The following TBC1D22A variants were observed in gnomAD, a reference collection of about 807,000 sequenced individuals.
The protein encoded by TBC1D22A is TBC1 domain family member 22A.
TBC1D22A carries 38 observed loss-of-function variants against 60.2 expected under a neutral mutation model. The observed-to-expected ratio is 0.63, with a 90% CI of 0.49 to 0.83. TBC1D22A has a LOEUF of 0.83. TBC1D22A is among the 40% of genes least tolerant of loss of function. TBC1D22A has a pLI of 0.00. For synonymous variants in TBC1D22A, 302 were observed against 281.7 expected, an observed-to-expected ratio of 1.07 and a Z score of -0.72; for missense variants, 628 against 701.0, an observed-to-expected ratio of 0.90 and a Z score of 1.18.
chr22:47,004,814 A>T (rs1188897344), intron 10 of TBC1D22A, among the ~76,000 whole-genome samples: 1 of 151,484 alleles, frequency 6.6e-6, no homozygotes, highest in African/African-American at 2.4e-5. Context: ...ATGCCTGTAC[A>T]CACACCTGCC....
chr22:46,894,354 C>G (rs1320356428), intron 6 of TBC1D22A, among the ~76,000 whole-genome samples: 1 of 152,244 alleles, frequency 6.6e-6, no homozygotes, highest in African/African-American at 2.4e-5. Context: ...TCCCCCAGGA[C>G]TTCATAAAGT....
intron 11 of TBC1D22A, among the ~76,000 whole-genome samples, chr22:47,077,347 T>C (rs958041976): frequency 1.3e-5 from 2 of 152,174 alleles, no homozygotes; most frequent in East Asian, 1.9e-4. Context: ...AGTATGTGAG[T>C]TCTGGCTTGG....
chr22:46,828,921 C>A (rs561198503), intron 4 of TBC1D22A, among the ~76,000 whole-genome samples: 11 of 152,256 alleles, frequency 7.2e-5, no homozygotes, highest in African/African-American at 2.6e-4. Flanking sequence ...ATACTTGAAA[C>A]GACCTACATG....
intron 7 of TBC1D22A, among the ~76,000 whole-genome samples, chr22:46,909,843 G>C (rs130983): frequency 0.97 from 147,293 of 152,300 alleles, 71,250 homozygotes; most frequent in East Asian, 1. Context: ...CCCTGGGCTT[G>C]CTTCACGCCC....
intron 12 of TBC1D22A, among the ~76,000 whole-genome samples, chr22:47,160,629 G>A (rs978152478): frequency 5.3e-5 from 8 of 152,198 alleles, no homozygotes; most frequent in African/African-American, 1.7e-4. Context: ...AGGGGTCTTC[G>A]CTGGAGCCGT....
chr22:47,031,070 C>A (rs1327285416), intron 10 of TBC1D22A, among the ~76,000 whole-genome samples: 2 of 152,228 alleles, frequency 1.3e-5, no homozygotes, highest in Non-Finnish European at 2.9e-5. Context: ...CCAGCTTAGC[C>A]AGGCTGTGTT....
intron 11 of TBC1D22A, among the ~76,000 whole-genome samples, chr22:47,101,905 C>T: frequency 6.6e-6 from 1 of 152,178 alleles, no homozygotes; most frequent in East Asian, 1.9e-4. Context: ...CCAGAATTTA[C>T]CTGGTGCAGG....
chr22:47,122,760 G>T (rs57546617), intron 12 of TBC1D22A, among the ~76,000 whole-genome samples: 3,050 of 152,352 alleles, frequency 0.02, 107 homozygotes, highest in African/African-American at 0.07. Context: ...CTGCGCAGAA[G>T]CAGCGGCGAG....
At position 47,098,664 on chromosome 22, in the gene TBC1D22A, C is replaced by T. The variant is rs186867800; in HGVS notation, c.1330-12844C>T. On this transcript the variant is annotated intron_variant, in intron 11 of 12. Coordinates refer to ENST00000337137, the MANE Select transcript of TBC1D22A (RefSeq NM_014346.5). ...GGAAGGGCCAGGTGAGGCATCCCCC[C>T]GACTCCATGTGTTAGGCTGCCCTGG... 2.5e-3 allele frequency among the ~76,000 whole-genome samples: 378 copies of T among 152,332 alleles called. 2 individuals are homozygous for T. The highest frequency in any genetic ancestry group is 8.1e-3 in the African/African-American group (335 of 41,574).
Position 47,173,705 on chromosome 22 carries a change from G to A in TBC1D22A, c.*79G>A. Reference sequence around the variant, plus strand: ...CCTGGCTGGTGGTAGGCCCCTGTGAGCTGGTCCCGGGCTGCTAAAAGGCCT... The same window carrying A: ...CCTGGCTGGTGGTAGGCCCCTGTGAACTGGTCCCGGGCTGCTAAAAGGCCT... On this transcript the variant is annotated 3_prime_UTR_variant, in exon 13 of 13. Coordinates refer to ENST00000337137, the MANE Select transcript of TBC1D22A (RefSeq NM_014346.5). 6.3e-7 allele frequency: 1 copy of A among 1,596,558 alleles called. No individual in the cohort carries two copies. Among genetic ancestry groups the A allele is most frequent in the Non-Finnish European group, 8.5e-7 (1 of 1,170,772 alleles).
chr22:46,798,147 G>C (rs2084739701), intron 4 of TBC1D22A, among the ~76,000 whole-genome samples: 1 of 152,250 alleles, frequency 6.6e-6, no homozygotes, highest in Admixed American at 6.5e-5. Flanking sequence ...AAAGCACTGG[G>C]CTTAAGGCGT....
At chr22:47,015,601 T>C (rs2061884861) in intron 10 of TBC1D22A, among the ~76,000 whole-genome samples, 1 of 152,198 alleles carries the variant, frequency 6.6e-6, no homozygotes, top group Non-Finnish European at 1.5e-5. Context: ...CACACACATA[T>C]AATTGTTCTG....
At chr22:47,127,115 C>T (rs977916007) in intron 12 of TBC1D22A, among the ~76,000 whole-genome samples, 1 of 152,120 alleles carries the variant, frequency 6.6e-6, no homozygotes, top group South Asian at 2.1e-4. Context: ...CTGGAAAACA[C>T]TCTTTCTCTC....
At chr22:46,846,389 G>A (rs2086994784) in intron 4 of TBC1D22A, among the ~76,000 whole-genome samples, 1 of 152,168 alleles carries the variant, frequency 6.6e-6, no homozygotes, top group Non-Finnish European at 1.5e-5. Flanking sequence ...TACCCTGCAA[G>A]CAGTGTTGAG....
At chr22:47,003,773 TACACACACACCCTAC>T (rs1203944398) in intron 10 of TBC1D22A, among the ~76,000 whole-genome samples, 1 of 108,872 alleles carries the variant, frequency 9.2e-6, no homozygotes, top group Admixed American at 1.0e-4. Context: ...CACATGCCTA[TACACACACACCCTAC>T]ACACACATGC....
intron 10 of TBC1D22A, among the ~76,000 whole-genome samples, chr22:47,034,715 G>A (rs538458814): frequency 2.0e-5 from 3 of 152,318 alleles, no homozygotes; most frequent in African/African-American, 4.8e-5. Flanking sequence ...CCTATGTGCC[G>A]GGGACTTTGG....
intron 4 of TBC1D22A, among the ~76,000 whole-genome samples, chr22:46,832,460 C>G (rs2086353491): frequency 6.6e-6 from 1 of 152,122 alleles, no homozygotes; most frequent in African/African-American, 2.4e-5. Context: ...ACAAGCCTGG[C>G]CAACATGGTG....
At chr22:47,079,897 C>T (rs114492488) in intron 11 of TBC1D22A, among the ~76,000 whole-genome samples, 1,772 of 152,234 alleles carry the variant, frequency 0.012, 31 homozygotes, top group African/African-American at 0.041. Context: ...AAGCACTTTA[C>T]GTGTAATAAC....
chr22:47,078,574 C>T (rs184292974), intron 11 of TBC1D22A, among the ~76,000 whole-genome samples: 12 of 152,110 alleles, frequency 7.9e-5, no homozygotes, highest in South Asian at 4.2e-4. Context: ...AGTTGTGGCA[C>T]GCAGTGCCGT....
Sources: allele counts gnomAD v4.1 joint callset (sites outside exome capture counted in the v4.1 genomes callset), GRCh38; gene constraint gnomAD v4.1.1; transcripts MANE v1.5; gene names NCBI Gene and HGNC (gene_info 2026-07-23, HGNC 2026-07-21).